Variants in CNTN3 observed in about 807,000 individuals in gnomAD.
The protein encoded by CNTN3 is contactin-3.
In CNTN3, 60 loss-of-function variants were observed where a neutral mutation model predicts 119.1. The observed-to-expected ratio is 0.50, with a 90% CI of 0.41 to 0.62. The LOEUF is 0.62. CNTN3 is among the 20% of genes least tolerant of loss of function. CNTN3 has a pLI of 0.00. For missense variants in CNTN3, 1,101 were observed against 1,242.4 expected (o/e 0.89, Z 1.71); for synonymous variants, 450 against 438.7 (o/e 1.03, Z -0.32).
chr3:74,331,716 CT>C (rs1703268715), intron 13 of CNTN3, among the ~76,000 whole-genome samples: 1 of 152,174 alleles, frequency 6.6e-6, no homozygotes, highest in South Asian at 2.1e-4. Flanking sequence ...AATGATACGA[CT>C]TTTTGATTCG....
At chr3:74,305,933 G>T (rs1575711787) in intron 13 of CNTN3, among the ~76,000 whole-genome samples, 2 of 151,802 alleles carry the variant, frequency 1.3e-5, no homozygotes, top group East Asian at 3.9e-4. Context: ...ATAGATGGGA[G>T]AAGTCAAGTA....
chr3:74,495,579 C>T (rs1202696102), intron 3 of CNTN3, among the ~76,000 whole-genome samples: 1 of 151,980 alleles, frequency 6.6e-6, no homozygotes, highest in Admixed American at 6.6e-5. Flanking sequence ...GAAATAAACT[C>T]AGACTTCCCT....
Position 74,316,692 on chromosome 3 carries a change from G to A in CNTN3, c.1669-13885C>T, listed in dbSNP as rs148046033. 6.0e-3 allele frequency among the ~76,000 whole-genome samples: 914 copies of A among 152,170 alleles called. 9 individuals are homozygous for A. Among genetic ancestry groups the A allele is most frequent in the South Asian group, 0.02 (94 of 4,818 alleles). ...AAATCATGGTGCACTTTGGGAGGCC[G>A]AGGTGGGCAGATCACGAGGTCAGGA... is the stretch of plus-strand genomic sequence containing the variant. On this transcript the variant is annotated intron_variant, in intron 13 of 22. Transcript: ENST00000263665.
At chr3:74,592,433 C>A (rs1349948231) in intron 1 of CNTN3, among the ~76,000 whole-genome samples, 1 of 151,668 alleles carries the variant, frequency 6.6e-6, no homozygotes, top group Non-Finnish European at 1.5e-5. Context: ...AAAAAATACG[C>A]TTACTCTAAA....
At chr3:74,446,585 T>C (rs1702051428) in intron 4 of CNTN3, among the ~76,000 whole-genome samples, 1 of 151,878 alleles carries the variant, frequency 6.6e-6, no homozygotes. Context: ...TTCAAAGACT[T>C]AGTACAGAAA....
At chr3:74,609,060 T>C (rs1376103663) in intron 1 of CNTN3, among the ~76,000 whole-genome samples, 1 of 151,978 alleles carries the variant, frequency 6.6e-6, no homozygotes, top group Non-Finnish European at 1.5e-5. Context: ...AACACGGGAA[T>C]AAGGAGAGTG....
chr3:74,474,185 T>A (rs182764246), intron 4 of CNTN3, among the ~76,000 whole-genome samples: 1 of 152,236 alleles, frequency 6.6e-6, no homozygotes, highest in Non-Finnish European at 1.5e-5. Context: ...ATTCTGGGTA[T>A]ATTTTGAAGA....
chr3:74,586,830 C>T (rs1164436354), intron 1 of CNTN3, among the ~76,000 whole-genome samples: 1 of 152,024 alleles, frequency 6.6e-6, no homozygotes, highest in African/African-American at 2.4e-5. Context: ...CTACCCAGAA[C>T]ATACCAAAAA....
At chr3:74,467,884 C>T (rs1702493307) in intron 4 of CNTN3, among the ~76,000 whole-genome samples, 1 of 152,162 alleles carries the variant, frequency 6.6e-6, no homozygotes, top group Non-Finnish European at 1.5e-5. Flanking sequence ...AACAAAACAA[C>T]AGGCAGATGA....
At chr3:74,457,307 A>G (rs541243973) in intron 4 of CNTN3, among the ~76,000 whole-genome samples, 1 of 152,212 alleles carries the variant, frequency 6.6e-6, no homozygotes, top group Non-Finnish European at 1.5e-5. Context: ...GCCATCAAAA[A>G]ATGATAAAAT....
intron 1 of CNTN3, among the ~76,000 whole-genome samples, chr3:74,578,334 T>C (rs1215300749): frequency 6.6e-6 from 1 of 152,116 alleles, no homozygotes; most frequent in Non-Finnish European, 1.5e-5. Context: ...TGGAAACTGA[T>C]GTAAAAAATT....
At chr3:74,281,444 C>T (rs906825682) in intron 20 of CNTN3, among the ~76,000 whole-genome samples, 3 of 152,128 alleles carry the variant, frequency 2.0e-5, no homozygotes, top group African/African-American at 7.2e-5. Flanking sequence ...AAGGAATCCT[C>T]CCACCTCAGC....
chr3:74,360,679 C>T (rs183117507), intron 11 of CNTN3, among the ~76,000 whole-genome samples: 3 of 152,192 alleles, frequency 2.0e-5, no homozygotes, highest in African/African-American at 4.8e-5. Flanking sequence ...TCATTTTGTA[C>T]TCATTCAGGT....
At chr3:74,480,723 G>C (rs1702748686) in intron 4 of CNTN3, among the ~76,000 whole-genome samples, 1 of 151,408 alleles carries the variant, frequency 6.6e-6, no homozygotes, top group Non-Finnish European at 1.5e-5. Context: ...TAGCACTAAT[G>C]TCTAATTCAC....
At chr3:74,425,932 A>AG (rs1386617479) in intron 4 of CNTN3, among the ~76,000 whole-genome samples, 6 of 152,156 alleles carry the variant, frequency 3.9e-5, no homozygotes, top group African/African-American at 1.4e-4. Context: ...TTTTATTTAT[A>AG]GCGGCTAAAA....
intron 8 of CNTN3, among the ~76,000 whole-genome samples, chr3:74,367,527 G>C (rs561179702): frequency 4.5e-4 from 69 of 152,156 alleles, no homozygotes; most frequent in African/African-American, 1.6e-3. Context: ...CATGTAGCCA[G>C]TGAGGTTTGA....
At chr3:74,581,722 G>A (rs1035771054) in intron 1 of CNTN3, among the ~76,000 whole-genome samples, 4 of 152,192 alleles carry the variant, frequency 2.6e-5, no homozygotes, top group East Asian at 3.9e-4. Flanking sequence ...TTCTACCTAC[G>A]ACAATTTAGA....
chr3:74,546,918 T>TCCATTTA (rs2107154674), intron 1 of CNTN3, among the ~76,000 whole-genome samples: 1 of 152,242 alleles, frequency 6.6e-6, no homozygotes, highest in East Asian at 1.9e-4. Context: ...TTTCAAGTTT[T>TCCATTTA]CCATTTACTT....
intron 19 of CNTN3, 79 bp downstream of exon 19, chr3:74,295,042 C>A: frequency 2.2e-6 from 2 of 912,440 alleles, no homozygotes; most frequent in Non-Finnish European, 1.7e-6. Flanking sequence ...AATAAGAGGT[C>A]ATTGTTAAGG....
Sources: gnomAD v4.1 joint callset for allele counts (sites outside exome capture counted in the v4.1 genomes callset) on GRCh38, gnomAD v4.1.1 for gene constraint, MANE v1.5 for transcripts, NCBI Gene and HGNC (gene_info 2026-07-23, HGNC 2026-07-21) for gene names.